CEP112: variants seen among roughly 807,000 people sequenced by gnomAD.
CEP112 encodes the protein centrosomal protein of 112 kDa.
CEP112 carries 127 observed loss-of-function variants against 153.0 expected under a neutral mutation model. The observed-to-expected ratio is 0.83, with a 90% confidence interval of 0.72 to 0.96. The LOEUF is 0.96. CEP112 is among the 40% of genes least tolerant of loss of function. The probability of loss-of-function intolerance (pLI) is 0.00; values close to 1 mark genes in which losing one functional copy is unlikely to be tolerated. For synonymous variants in CEP112, 358 were observed against 374.4 expected (o/e 0.96, Z 0.51); for missense variants, 1,089 against 1,101.2 (o/e 0.99, Z 0.16).
intron 17 of CEP112, among the ~76,000 whole-genome samples, chr17:65,996,968 G>A (rs1001121412): frequency 1.3e-5 from 2 of 152,134 alleles, no homozygotes; most frequent in African/African-American, 2.4e-5. Context: ...CAGCACTTTG[G>A]GAGGCTGAAA....
At chr17:65,639,815 CT>C (rs910796473) in intron 25 of CEP112, among the ~76,000 whole-genome samples, 2 of 144,690 alleles carry the variant, frequency 1.4e-5, no homozygotes, top group Non-Finnish European at 3.0e-5. Context: ...CATCACATTT[CT>C]TTTTTTTCTC....
chr17:65,971,243 T>C (rs1052059957), intron 17 of CEP112, among the ~76,000 whole-genome samples: 1 of 152,202 alleles, frequency 6.6e-6, no homozygotes, highest in Non-Finnish European at 1.5e-5. Flanking sequence ...GTGCAAAACA[T>C]GCACATCAAA....
intron 6 of CEP112, among the ~76,000 whole-genome samples, chr17:66,106,342 C>G (rs141400616): frequency 2.0e-5 from 3 of 151,492 alleles, no homozygotes; most frequent in African/African-American, 7.3e-5. Flanking sequence ...AAAAAACACA[C>G]AAAAAATCAA....
chr17:65,973,553 T>C (rs183115404), intron 17 of CEP112, among the ~76,000 whole-genome samples: 7 of 152,288 alleles, frequency 4.6e-5, no homozygotes, highest in Admixed American at 1.3e-4. Context: ...CACAATAAGA[T>C]ACTACTACAC....
At chr17:65,652,044 GC>G (rs2045809497) in intron 24 of CEP112, among the ~76,000 whole-genome samples, 1 of 152,056 alleles carries the variant, frequency 6.6e-6, no homozygotes, top group Non-Finnish European at 1.5e-5. Context: ...TATACAAATG[GC>G]AAAAAATGCT....
intron 24 of CEP112, among the ~76,000 whole-genome samples, chr17:65,662,030 G>A (rs1407545450): frequency 2.6e-5 from 4 of 151,904 alleles, no homozygotes; most frequent in South Asian, 4.1e-4. Context: ...GTGCAGTGAC[G>A]CAATCATGGC....
chr17:65,974,225 C>T (rs78474542), intron 17 of CEP112, among the ~76,000 whole-genome samples: 10,019 of 150,728 alleles, frequency 0.066, 482 homozygotes, highest in African/African-American at 0.12. Flanking sequence ...TACAGGCACA[C>T]ACCACCACGC....
intron 10 of CEP112, 118 bp downstream of exon 10, chr17:66,066,660 C>G: frequency 1.6e-6 from 1 of 622,840 alleles, no homozygotes. Context: ...ACTGATGAAA[C>G]CCCACATAAA....
chr17:65,771,691 A>G (rs1259110816), intron 21 of CEP112, among the ~76,000 whole-genome samples: 1 of 152,168 alleles, frequency 6.6e-6, no homozygotes, highest in Non-Finnish European at 1.5e-5. Context: ...TGTAAAGTAA[A>G]AGATAGACAT....
intron 21 of CEP112, among the ~76,000 whole-genome samples, chr17:65,774,892 G>A (rs1021656891): frequency 8.5e-5 from 13 of 152,178 alleles, no homozygotes; most frequent in South Asian, 6.2e-4. Context: ...AGGGTTCAGC[G>A]AGGCTTTGGT....
intron 21 of CEP112, among the ~76,000 whole-genome samples, chr17:65,782,675 C>G (rs1598568901): frequency 6.6e-6 from 1 of 152,128 alleles, no homozygotes; most frequent in East Asian, 1.9e-4. Flanking sequence ...AGGGCGAAAT[C>G]ATGTCCTTTG....
chr17:66,101,111 C>A (rs1482131513), intron 6 of CEP112, among the ~76,000 whole-genome samples: 1 of 152,008 alleles, frequency 6.6e-6, no homozygotes, highest in Non-Finnish European at 1.5e-5. Context: ...AAATATTAAA[C>A]TTTACGAATA....
intron 1 of CEP112, among the ~76,000 whole-genome samples, chr17:66,187,027 T>C (rs191685289): frequency 3.9e-5 from 6 of 152,310 alleles, no homozygotes; most frequent in East Asian, 3.9e-4. Context: ...CTATTTGCTA[T>C]GTAAAATTTT....
chr17:65,805,561 A>G (rs1323974297), intron 21 of CEP112, among the ~76,000 whole-genome samples: 1 of 152,214 alleles, frequency 6.6e-6, no homozygotes, highest in Admixed American at 6.5e-5. Context: ...GTAGAGGAGT[A>G]AGTAGAGCGT....
intron 25 of CEP112, among the ~76,000 whole-genome samples, chr17:65,638,390 G>T (rs6504335): frequency 0.15 from 23,351 of 152,170 alleles, 2,216 homozygotes; most frequent in East Asian, 0.49. Flanking sequence ...TTATTCTTAC[G>T]TCTTTGGTCT....
rs190552668 is a variant in CEP112, at chr17:65,977,764, G to T, written c.1737-16166C>A. Among the ~76,000 whole-genome samples, 79 of 152,200 alleles carry T rather than the reference G, an allele frequency of 5.2e-4. 1 individual carries two copies. The highest frequency in any genetic ancestry group is 1.8e-3 in the African/African-American group (73 of 41,534). ...GAGACCAGCCTGGGCAACAACGTGA[G>T]ACCCTGTCTTTAAAAATAAAAATAA... is the stretch of plus-strand genomic sequence containing the variant. On this transcript the variant is annotated intron_variant, in intron 17 of 26. Transcript: ENST00000535342.
chr17:66,124,403 C>A (rs1193791434), intron 6 of CEP112, among the ~76,000 whole-genome samples: 3 of 151,688 alleles, frequency 2.0e-5, no homozygotes, highest in African/African-American at 7.3e-5. Context: ...AGCGAAAATA[C>A]ATGGGAAAAA....
intron 1 of CEP112, among the ~76,000 whole-genome samples, chr17:66,184,294 C>G (rs1390063468): frequency 2.0e-5 from 3 of 150,142 alleles, no homozygotes; most frequent in African/African-American, 7.3e-5. Context: ...TTGAACTTCA[C>G]AAAAAAAAAC....
intron 4 of CEP112, among the ~76,000 whole-genome samples, chr17:66,159,201 GTAAT>G (rs1421143116): frequency 7.2e-5 from 11 of 152,236 alleles, no homozygotes; most frequent in African/African-American, 2.4e-4. Flanking sequence ...AATTGAGGCA[GTAAT>G]TAATAGCCTA....
Sources: gnomAD v4.1 joint callset for allele counts (sites outside exome capture counted in the v4.1 genomes callset) on GRCh38, gnomAD v4.1.1 for gene constraint, MANE v1.5 for transcripts, NCBI Gene and HGNC (gene_info 2026-07-23, HGNC 2026-07-21) for gene names.